The following WDFY4 variants were observed in gnomAD, a reference collection of about 807,000 sequenced individuals.
WDFY4 encodes the protein WD repeat- and FYVE domain-containing protein 4.
A neutral mutation model predicts 351.9 loss-of-function variants in WDFY4; 169 were observed. That is an observed-to-expected ratio of 0.48 (90% CI 0.42 to 0.55). WDFY4 has a LOEUF of 0.55. Among genes scored for constraint, WDFY4 ranks in the 20% least tolerant of loss-of-function variants. The pLI, the probability that WDFY4 is intolerant of heterozygous loss-of-function variation, is 0.00. For synonymous variants in WDFY4, 1,622 were observed against 1,574.6 expected, an observed-to-expected ratio of 1.03 and a Z score of -0.71; for missense variants, 3,803 against 3,935.6, an observed-to-expected ratio of 0.97 and a Z score of 0.90.
At chr10:48,899,436 C>T (rs1837246255) in intron 45 of WDFY4, among the ~76,000 whole-genome samples, 1 of 152,118 alleles carries the variant, frequency 6.6e-6, no homozygotes. Flanking sequence ...CAGGACAGGA[C>T]TCTGCTATTG....
At chr10:48,929,677 C>T (rs1474873723) in intron 47 of WDFY4, among the ~76,000 whole-genome samples, 1 of 152,218 alleles carries the variant, frequency 6.6e-6, no homozygotes, top group Non-Finnish European at 1.5e-5. Context: ...CTCCCCAATT[C>T]TGGACTCACT....
intron 13 of WDFY4, among the ~76,000 whole-genome samples, chr10:48,760,738 G>A (rs1252255282): frequency 6.6e-6 from 1 of 152,202 alleles, no homozygotes; most frequent in Non-Finnish European, 1.5e-5. Context: ...AGTAAGGCAA[G>A]TCCCAGGTGT....
chr10:48,874,886 C>T (rs1242534765), intron 41 of WDFY4, among the ~76,000 whole-genome samples: 3 of 152,094 alleles, frequency 2.0e-5, no homozygotes. Context: ...TGGGTTTTTT[C>T]CCCTTTGACT....
At position 48,921,443 on chromosome 10, in the gene WDFY4, A is replaced by G. The variant is rs192151852; in HGVS notation, c.7586+19580A>G. Among the ~76,000 whole-genome samples the G allele has an allele frequency of 5.3e-5, 8 of 152,368 alleles. No individual in the cohort carries two copies. The East Asian group carries it at 1.5e-3, about 29-fold the overall frequency. On this transcript the variant is annotated intron_variant, in intron 47 of 61. Transcript: ENST00000325239. ...CAAAAATTAAACCTTGGCCTAATTA[A>G]CACACATTGACTCAAAATGGATCAT...
intron 47 of WDFY4, among the ~76,000 whole-genome samples, chr10:48,937,780 T>G (rs1201372491): frequency 1.3e-5 from 2 of 152,192 alleles, no homozygotes; most frequent in Non-Finnish European, 2.9e-5. Flanking sequence ...GGTACGTCTG[T>G]CTCTACATGG....
chr10:48,823,318 A>G (rs2067891135), intron 35 of WDFY4: 1 of 1,283,096 alleles, frequency 7.8e-7, no homozygotes, highest in Non-Finnish European at 1.0e-6. Flanking sequence ...TCTTGGAAAG[A>G]ACTTTCTGTT....
rs563468327 is a variant in WDFY4 at position 48,968,015 on chromosome 10, T to G, written c.8585-1049T>G. 2.0e-5 allele frequency: 3 copies of G among 152,218 alleles called. No individual in the cohort carries two copies. The South Asian group carries it at 6.2e-4, about 32-fold the overall frequency. The allele number at this position is 152,218 out of a possible 1,614,324, so 9.4% of individuals were successfully genotyped here. ...CAGTCAGGCACAGCCCCTGCCCTCA[T>G]GGAAAGGGACATGAGGTGCAAACCA... On this transcript the variant is annotated intron_variant, in intron 55 of 61. Transcript: ENST00000325239.
At chr10:48,802,503 GA>G (rs1338883432) in intron 24 of WDFY4, among the ~76,000 whole-genome samples, 10 of 152,152 alleles carry the variant, frequency 6.6e-5, no homozygotes, top group African/African-American at 2.4e-4. Flanking sequence ...TCCCACACCT[GA>G]ACCTTGTATA....
At chr10:48,957,003 G>A in intron 51 of WDFY4, 126 bp from the exon 52 acceptor site, 2 of 1,280,284 alleles carry the variant, frequency 1.6e-6, no homozygotes, top group Admixed American at 4.4e-5. Context: ...GGGTACACGT[G>A]TGTGAGGAGA....
chr10:48,764,196 T>C (rs1430256000), intron 13 of WDFY4, among the ~76,000 whole-genome samples: 2 of 152,194 alleles, frequency 1.3e-5, no homozygotes, highest in Non-Finnish European at 2.9e-5. Context: ...AACTTAACCT[T>C]ATGGGTGTTC....
chr10:48,752,705 A>C (rs919587818), intron 12 of WDFY4, among the ~76,000 whole-genome samples: 10 of 152,364 alleles, frequency 6.6e-5, no homozygotes, highest in African/African-American at 1.2e-4. Context: ...AACGTATATC[A>C]GTACTTCTTT....
At chr10:48,939,066 C>A (rs1479562120) in intron 47 of WDFY4, among the ~76,000 whole-genome samples, 2 of 152,206 alleles carry the variant, frequency 1.3e-5, no homozygotes, top group Non-Finnish European at 2.9e-5. Context: ...CCCAGCAAAC[C>A]CTGAGGAGCT....
chr10:48,837,411 T>G (rs7922169), intron 39 of WDFY4, among the ~76,000 whole-genome samples: 80,641 of 151,892 alleles, frequency 0.53, 22,332 homozygotes, highest in East Asian at 0.71. Flanking sequence ...TTAAACAGAG[T>G]CATGGCATCT....
chr10:48,947,802 C>T (rs747145439), intron 51 of WDFY4, among the ~76,000 whole-genome samples: 5 of 152,130 alleles, frequency 3.3e-5, no homozygotes, highest in South Asian at 2.1e-4. Flanking sequence ...GCAGCTGGCT[C>T]GGCTGACTCT....
chr10:48,737,920 A>G lies in WDFY4; in HGVS notation c.1878+1850A>G, dbSNP rs767391025. Among the ~76,000 whole-genome samples, 13 of 152,352 alleles carry G rather than the reference A, an allele frequency of 8.5e-5. No homozygotes were observed. In the South Asian group the frequency reaches 1.9e-3, roughly 22 times the overall value. On this transcript the variant is annotated intron_variant, in intron 11 of 61. Coordinates refer to ENST00000325239, the MANE Select transcript of WDFY4 (RefSeq NM_001394531.1). ...AGAGAGCTTCATTGACTAAATTAAT[A>G]TTGCATAACTGCTAAATGGTGAAGT...
intron 1 of WDFY4, among the ~76,000 whole-genome samples, chr10:48,698,989 C>G (rs1380010865): frequency 6.6e-6 from 1 of 152,182 alleles, no homozygotes; most frequent in Non-Finnish European, 1.5e-5. Flanking sequence ...AGAGGTCTCT[C>G]ATGAAATGCA....
At chr10:48,850,518 C>T (rs11101533) in intron 39 of WDFY4, among the ~76,000 whole-genome samples, 35,701 of 152,074 alleles carry the variant, frequency 0.23, 5,102 homozygotes, top group East Asian at 0.71. Context: ...CTTTTTTCTG[C>T]TCACAATTTT....
At position 48,774,496 on chromosome 10, in the gene WDFY4, C is replaced by G. The variant is rs943074596; in HGVS notation, c.2592C>G (p.Ile864Met). Reference protein sequence around the residue: ...EEIQCSLASHIQSLVKSEKNR... With the variant: ...EEIQCSLASHMQSLVKSEKNR... ...TCCAGTGCTCCCTGGCCAGTCATAT[C>G]CAGTCCCTGGTGAAGTCGGAGAAGA... The change falls in exon 14 of 62, where the codon ATC becomes ATG. Residue 864 changes from isoleucine to methionine, a missense_variant. Coordinates refer to ENST00000325239, the MANE Select transcript of WDFY4 (RefSeq NM_001394531.1). The G allele has an allele frequency of 3.9e-6, 6 of 1,551,638 alleles. No homozygotes were observed. The highest frequency in any genetic ancestry group is 5.2e-6 in the Non-Finnish European group (6 of 1,147,012).
intron 13 of WDFY4, among the ~76,000 whole-genome samples, chr10:48,765,968 C>A (rs1349665335): frequency 6.6e-6 from 1 of 152,114 alleles, no homozygotes; most frequent in Non-Finnish European, 1.5e-5. Context: ...AGAAAGGGTG[C>A]CATTTTCTGG....
Sources: allele counts gnomAD v4.1 joint callset (sites outside exome capture counted in the v4.1 genomes callset), GRCh38; gene constraint gnomAD v4.1.1; transcripts MANE v1.5; gene names NCBI Gene and HGNC (gene_info 2026-07-23, HGNC 2026-07-21).